The following RHEB variants were observed in gnomAD, a reference collection of about 807,000 sequenced individuals.
RHEB encodes the protein GTP-binding protein Rheb.
In RHEB, 2 loss-of-function variants were observed where a neutral mutation model predicts 28.8. That is an observed-to-expected ratio of 0.07 (90% CI 0.03 to 0.22). The LOEUF (loss-of-function observed/expected upper bound fraction) is 0.22, where lower values mean the gene tolerates loss of function less well. Ranked by LOEUF, RHEB falls within the 10% of genes least tolerant of loss-of-function variation. The probability of loss-of-function intolerance (pLI) is 1.00; values close to 1 mark genes in which losing one functional copy is unlikely to be tolerated. For missense variants in RHEB, 76 were observed against 219.9 expected (o/e 0.35, Z 4.14); for synonymous variants, 69 against 77.3 (o/e 0.89, Z 0.56).
intron 4 of RHEB, among the ~76,000 whole-genome samples, chr7:151,475,684 T>C (rs1312753000): frequency 6.6e-6 from 1 of 152,176 alleles, no homozygotes; most frequent in Non-Finnish European, 1.5e-5. Flanking sequence ...GTTTTAAGCA[T>C]AAAATCCAAT....
At position 151,507,572 on chromosome 7, in the gene RHEB, G is replaced by A. The variant is rs960526836; in HGVS notation, c.52+11888C>T. Among the ~76,000 whole-genome samples, 7 of 152,090 alleles carry A rather than the reference G, an allele frequency of 4.6e-5. No individual in the cohort carries two copies. In the South Asian group the frequency reaches 6.2e-4, roughly 13 times the overall value. ...AAGTGAGACACCGTTAGAGTTTACG[G>A]AACATTCTCACATGAATTATCTCGC... On this transcript the variant is annotated intron_variant, in intron 1 of 7. Coordinates refer to ENST00000262187, the MANE Select transcript of RHEB (RefSeq NM_005614.4).
chr7:151,487,518 T>C (rs1023096361), intron 2 of RHEB, among the ~76,000 whole-genome samples: 6 of 146,076 alleles, frequency 4.1e-5, no homozygotes, highest in South Asian at 2.1e-4. Context: ...GTACATAGTG[T>C]ATAAAAGAAA....
chr7:151,477,237 TA>T, intron 4 of RHEB, 95 bp downstream of exon 4: 1 of 783,180 alleles, frequency 1.3e-6, no homozygotes, highest in Non-Finnish European at 2.1e-6. Flanking sequence ...CTAATAATTC[TA>T]ATTGTCACTA....
chr7:151,479,408 CACAA>C (rs1802331137), intron 3 of RHEB, among the ~76,000 whole-genome samples: 1 of 152,016 alleles, frequency 6.6e-6, no homozygotes, highest in Non-Finnish European at 1.5e-5. Context: ...TAAGGCCGGG[CACAA>C]TGGCTCACGT....
At chr7:151,493,649 G>A (rs1563096949) in intron 1 of RHEB, among the ~76,000 whole-genome samples, 1 of 152,152 alleles carries the variant, frequency 6.6e-6, no homozygotes, top group Non-Finnish European at 1.5e-5. Context: ...CAGTTCAACA[G>A]AAATTAAGAA....
intron 1 of RHEB, among the ~76,000 whole-genome samples, chr7:151,512,885 C>G (rs1803015969): frequency 6.6e-6 from 1 of 152,128 alleles, no homozygotes; most frequent in African/African-American, 2.4e-5. Context: ...TTGCCTTTTC[C>G]ACAAAGTTCC....
intron 1 of RHEB, among the ~76,000 whole-genome samples, chr7:151,501,000 A>G (rs896475899): frequency 1.3e-5 from 2 of 152,198 alleles, no homozygotes; most frequent in African/African-American, 4.8e-5. Flanking sequence ...CAAAAAAATC[A>G]TAGACCTAAA....
intron 3 of RHEB, among the ~76,000 whole-genome samples, chr7:151,483,973 T>G (rs1362373712): frequency 6.6e-6 from 1 of 152,188 alleles, no homozygotes; most frequent in Non-Finnish European, 1.5e-5. Flanking sequence ...GAATATCCTT[T>G]CTGGGGGGAT....
At chr7:151,481,092 T>G (rs965119) in intron 3 of RHEB, among the ~76,000 whole-genome samples, 85,081 of 151,612 alleles carry the variant, frequency 0.56, 24,010 homozygotes, top group South Asian at 0.65. Flanking sequence ...TCCAATAATG[T>G]AACACCAGGC....
intron 2 of RHEB, among the ~76,000 whole-genome samples, chr7:151,488,693 C>T (rs568232602): frequency 1.3e-5 from 2 of 152,134 alleles, no homozygotes; most frequent in Non-Finnish European, 2.9e-5. Context: ...TGCCTACAGA[C>T]TTTAATAAAC....
chr7:151,490,910 C>A (rs1196199884), intron 2 of RHEB, 33 bp downstream of exon 2: 1 of 1,497,788 alleles, frequency 6.7e-7, no homozygotes, highest in Non-Finnish European at 9.3e-7. Flanking sequence ...AAGAAGGCTT[C>A]TCAGTTTTTA....
intron 1 of RHEB, among the ~76,000 whole-genome samples, chr7:151,516,533 G>A (rs1245323413): frequency 2.7e-5 from 4 of 146,920 alleles, no homozygotes; most frequent in African/African-American, 1.0e-4. Flanking sequence ...TGAGGCAGGA[G>A]AATCGGTTGA....
chr7:151,519,372 G>T, intron 1 of RHEB, 88 bp downstream of exon 1: 1 of 972,014 alleles, frequency 1.0e-6, no homozygotes, highest in Non-Finnish European at 1.3e-6. Context: ...GGCCGCGCCG[G>T]CTCCAAACTT....
chr7:151,501,947 T>C (rs1384688886), intron 1 of RHEB: 18 of 706,054 alleles, frequency 2.5e-5, no homozygotes, highest in Non-Finnish European at 4.4e-5. Flanking sequence ...CATTAAGAGC[T>C]TGGAGGCGGG....
intron 7 of RHEB, among the ~76,000 whole-genome samples, chr7:151,467,417 G>A (rs1039678062): frequency 6.6e-6 from 1 of 151,904 alleles, no homozygotes; most frequent in African/African-American, 2.4e-5. Context: ...ACCAGCCTCC[G>A]ATTGTGCTTT....
At chr7:151,467,261 C>T (rs972314680) in intron 7 of RHEB, 50 bp from the exon 8 acceptor site, 17 of 1,407,702 alleles carry the variant, frequency 1.2e-5, no homozygotes, top group East Asian at 4.6e-5. Flanking sequence ...AGCCGAACTC[C>T]GAGAGTATTT....
intron 3 of RHEB, 113 bp downstream of exon 3, chr7:151,484,624 T>C (rs1398799122): frequency 1.5e-5 from 11 of 744,720 alleles, no homozygotes; most frequent in Non-Finnish European, 2.6e-5. Flanking sequence ...AGGGACTGTC[T>C]GCACACAACC....
At chr7:151,502,258 G>A (rs1802786510) in intron 1 of RHEB, 2 of 588,152 alleles carry the variant, frequency 3.4e-6, no homozygotes, top group Admixed American at 5.7e-5. Flanking sequence ...GGAGCTTGGA[G>A]GCAGCCTGCA....
intron 3 of RHEB, among the ~76,000 whole-genome samples, chr7:151,483,247 T>G (rs1337390180): frequency 6.6e-6 from 1 of 152,192 alleles, no homozygotes. Context: ...CACACTTTCC[T>G]TCTATGTTTA....
Sources: gnomAD v4.1 joint callset for allele counts (sites outside exome capture counted in the v4.1 genomes callset) on GRCh38, gnomAD v4.1.1 for gene constraint, MANE v1.5 for transcripts, NCBI Gene and HGNC (gene_info 2026-07-23, HGNC 2026-07-21) for gene names.